The following ASB14 variants were observed in gnomAD, a reference collection of about 807,000 sequenced individuals.
ASB14 encodes ankyrin repeat and SOCS box protein 14.
ASB14 carries 63 observed loss-of-function variants against 55.6 expected under a neutral mutation model. The ratio of observed to expected loss-of-function variants is 1.13; its 90% CI spans 0.92 to 1.40. The LOEUF is 1.40. Among genes scored for constraint, ASB14 ranks in the 40% most tolerant of loss-of-function variants. The pLI is 0.00. For missense variants in ASB14, 724 were observed against 710.4 expected (o/e 1.02, Z -0.22); for synonymous variants, 256 against 259.9 (o/e 0.98, Z 0.15).
chr3:57,289,412 T>C (rs933190275), intron 2 of ASB14, among the ~76,000 whole-genome samples: 1 of 152,190 alleles, frequency 6.6e-6, no homozygotes, highest in Admixed American at 6.5e-5. Context: ...TTAATCAGCG[T>C]TGGCTGAACT....
At chr3:57,274,915 T>C (rs1441277151) in intron 10 of ASB14, among the ~76,000 whole-genome samples, 2 of 152,172 alleles carry the variant, frequency 1.3e-5, no homozygotes, top group Non-Finnish European at 2.9e-5. Flanking sequence ...CACACATTTC[T>C]CAATATTGAA....
chr3:57,274,370 C>G (rs1375853494), intron 10 of ASB14, among the ~76,000 whole-genome samples: 2 of 152,200 alleles, frequency 1.3e-5, no homozygotes, highest in African/African-American at 2.4e-5. Flanking sequence ...TTTCTTTCCT[C>G]ACTTTCCACA....
In ASB14 at chr3:57,287,895, A is replaced by G. The variant is rs1209606137; in HGVS notation, c.469+6T>C. ...AGACTCTTTCAGAAACAATGTATTC[A>G]TTTACCTGCAAGAAGAGGAGAATTG... On this transcript the variant is annotated splice_donor_region_variant and intron_variant, in intron 5 of 10. Coordinates refer to ENST00000487349, the MANE Select transcript of ASB14 (RefSeq NM_001142733.3). 4 of 1,536,974 alleles carry G rather than the reference A, an allele frequency of 2.6e-6. No homozygotes were observed. Among genetic ancestry groups the G allele is most frequent in the Middle Eastern group, 1.7e-4 (1 of 5,990 alleles).
rs2061108425 is a variant in ASB14, at chr3:57,289,149, A to G, written c.123-26T>C. ...CTGCAAAGAAAAAAATACATATGTA[A>G]TTCCAAAACTGAGGAGAAAAAACTG... On this transcript the variant is annotated intron_variant, in intron 2 of 10. Transcript: ENST00000487349. 5.5e-6 allele frequency: 8 copies of G among 1,447,166 alleles called. 1 individual carries two copies. In the East Asian group the frequency reaches 2.0e-4, roughly 36 times the overall value. 89.6% of individuals were successfully genotyped at this position (1,447,166 alleles called of 1,614,324 possible). A position where few individuals can be genotyped will look rare whatever the true frequency, so the allele number is the denominator to read the frequency against.
chr3:57,288,422 T>C (rs908164414), intron 3 of ASB14, 136 bp from the exon 4 acceptor site: 2 of 985,624 alleles, frequency 2.0e-6, no homozygotes, highest in African/African-American at 3.2e-5. Context: ...GAAAGACAAA[T>C]GGCATATGAC....
chr3:57,289,163 G>A (rs770617638), intron 2 of ASB14, 40 bp from the exon 3 acceptor site: 14 of 1,330,198 alleles, frequency 1.1e-5, no homozygotes, highest in South Asian at 3.8e-5. Context: ...CAAAACTGAG[G>A]AGAAAAAACT....
At chr3:57,284,313 A>G (rs1305357024) in intron 5 of ASB14, among the ~76,000 whole-genome samples, 1 of 152,018 alleles carries the variant, frequency 6.6e-6, no homozygotes, top group Non-Finnish European at 1.5e-5. Context: ...AAATTTCTGT[A>G]GAGATGCAGT....
chr3:57,271,857 G>A (rs2060942625), intron 10 of ASB14: 1 of 152,176 alleles, frequency 6.6e-6, no homozygotes, highest in African/African-American at 2.4e-5. Context: ...AGTTATGAGT[G>A]GGTTTAACAA....
At chr3:57,286,087 A>AT (rs953518412) in intron 5 of ASB14, among the ~76,000 whole-genome samples, 1 of 152,102 alleles carries the variant, frequency 6.6e-6, no homozygotes, top group African/African-American at 2.4e-5. Flanking sequence ...AGTTGGAAGT[A>AT]TTTTTTCCTC....
rs371814459 is a variant in ASB14 at position 57,276,793 on chromosome 3, G to C, written c.1586-65C>G. The C allele has an allele frequency of 9.1e-6, 13 of 1,424,418 alleles. No individual in the cohort carries two copies. The East Asian group carries it at 1.6e-4, about 18-fold the overall frequency. 88.2% of individuals were successfully genotyped at this position (1,424,418 alleles called of 1,614,324 possible). A position where few individuals can be genotyped will look rare whatever the true frequency, so the allele number is the denominator to read the frequency against. ...TTTTTTTTTAGTATCTTAGGGTTTT[G>C]TTAGCAAACGTATTTGATAGCATTT... On this transcript the variant is annotated intron_variant, in intron 9 of 10. Coordinates refer to ENST00000487349, the MANE Select transcript of ASB14 (RefSeq NM_001142733.3).
chr3:57,277,757 G>A lies in ASB14; in HGVS notation c.1585+10C>T. ...TTTGTAAAAAGTCATTCTATGAGAA[G>A]GATACTTACTTAAGATAAAATGTAT... On this transcript the variant is annotated intron_variant, in intron 9 of 10. Transcript: ENST00000487349. The A allele has an allele frequency of 6.3e-7, 1 of 1,596,466 alleles. No homozygotes were observed. Among genetic ancestry groups the A allele is most frequent in the East Asian group, 2.2e-5 (1 of 44,688 alleles).
intron 6 of ASB14, among the ~76,000 whole-genome samples, chr3:57,281,694 C>T (rs535910369): frequency 1.3e-5 from 2 of 152,226 alleles, no homozygotes; most frequent in African/African-American, 4.8e-5. Flanking sequence ...GCTTAACATA[C>T]TCATTTTAAA....
In ASB14 at chr3:57,277,934, A is replaced by T. The variant is rs1450665463; in HGVS notation, c.1432-14T>A. On this transcript the variant is annotated splice_polypyrimidine_tract_variant and intron_variant, in intron 8 of 10. Coordinates refer to ENST00000487349, the MANE Select transcript of ASB14 (RefSeq NM_001142733.3). ...TACTTCACAGAACTGAGGGAAACAAAATCAGAATTAGGAAAGTAAATGAAA... is the reference window on the plus strand; with the variant it reads ...TACTTCACAGAACTGAGGGAAACAATATCAGAATTAGGAAAGTAAATGAAA... 1 of 1,604,748 alleles carries T rather than the reference A, an allele frequency of 6.2e-7. No individual in the cohort carries two copies. Among genetic ancestry groups the T allele is most frequent in the Admixed American group, 1.7e-5 (1 of 58,316 alleles).
At chr3:57,280,554 C>T (rs918445608) in intron 6 of ASB14, 81 bp from the exon 7 acceptor site, 4 of 1,292,876 alleles carry the variant, frequency 3.1e-6, no homozygotes, top group African/African-American at 1.5e-5. Flanking sequence ...ATATCCCCAT[C>T]ACCAAAAAGC....
Position 57,269,232 on chromosome 3 carries a change from C to T in ASB14, c.*409G>A, listed in dbSNP as rs543877219. 6.1e-5 allele frequency: 12 copies of T among 197,520 alleles called. No homozygotes were observed. Among genetic ancestry groups the T allele is most frequent in the Non-Finnish European group, 2.0e-5 (2 of 97,764 alleles). The allele number at this position is 197,520 out of a possible 1,614,324, so 12.2% of individuals were successfully genotyped here. ...GAAGGGAAAGGAGTGTGGGGGTGATCCCTTTCGAGGGTTTTACTATAATAT... is the reference window on the plus strand; with the variant it reads ...GAAGGGAAAGGAGTGTGGGGGTGATTCCTTTCGAGGGTTTTACTATAATAT... On this transcript the variant is annotated 3_prime_UTR_variant, in exon 11 of 11. Coordinates refer to ENST00000487349, the MANE Select transcript of ASB14 (RefSeq NM_001142733.3).
chr3:57,291,081 GA>G (rs1460192387), intron 2 of ASB14, among the ~76,000 whole-genome samples: 1 of 152,162 alleles, frequency 6.6e-6, no homozygotes, highest in Non-Finnish European at 1.5e-5. Context: ...ATGAGAATTA[GA>G]ATTTAAAAGT....
chr3:57,278,029 A>G lies in ASB14; in HGVS notation c.1432-109T>C, dbSNP rs904598986. On this transcript the variant is annotated intron_variant, in intron 8 of 10. Transcript: ENST00000487349. ...GGTGTGATGAAAGCCAAGAGAGAAAAATGTCTCAAAAATGGGAAGGGATGG... is the reference window on the plus strand; with the variant it reads ...GGTGTGATGAAAGCCAAGAGAGAAAGATGTCTCAAAAATGGGAAGGGATGG... 5.6e-5 allele frequency: 57 copies of G among 1,015,534 alleles called. No homozygotes were observed. The African/African-American group carries it at 8.2e-4, about 15-fold the overall frequency. 62.9% of individuals were successfully genotyped at this position (1,015,534 alleles called of 1,614,324 possible). A position where few individuals can be genotyped will look rare whatever the true frequency, so the allele number is the denominator to read the frequency against.
chr3:57,279,433 G>A (rs1297646062), intron 7 of ASB14, among the ~76,000 whole-genome samples: 2 of 151,740 alleles, frequency 1.3e-5, no homozygotes, highest in African/African-American at 4.8e-5. Context: ...GGGGGTGGTG[G>A]CTCAAGCCTG....
chr3:57,274,052 A>ATAAC (rs2060967554), intron 10 of ASB14, among the ~76,000 whole-genome samples: 1 of 152,200 alleles, frequency 6.6e-6, no homozygotes, highest in African/African-American at 2.4e-5. Context: ...GATTTAAAAA[A>ATAAC]TAACTATTCA....
Sources: gnomAD v4.1 joint callset for allele counts (sites outside exome capture counted in the v4.1 genomes callset) on GRCh38, gnomAD v4.1.1 for gene constraint, MANE v1.5 for transcripts, NCBI Gene and HGNC (gene_info 2026-07-23, HGNC 2026-07-21) for gene names.